Variants in C2orf66 observed in about 807,000 individuals in gnomAD.
The protein encoded by C2orf66 is uncharacterized protein C2orf66.
Under a neutral mutation model 7.0 loss-of-function variants are expected in C2orf66, and 6 were observed. The ratio of observed to expected loss-of-function variants is 0.86; its 90% confidence interval spans 0.47 to 1.69. C2orf66 has a LOEUF of 1.69. C2orf66 is among the 40% of genes most tolerant of loss of function. The probability of loss-of-function intolerance (pLI) is 0.01; values close to 1 mark genes in which losing one functional copy is unlikely to be tolerated. For missense variants in C2orf66, 107 were observed against 112.0 expected, an observed-to-expected ratio of 0.96 and a Z score of 0.20; for synonymous variants, 38 against 43.8, an observed-to-expected ratio of 0.87 and a Z score of 0.52.
upstream of C2orf66, among the ~76,000 whole-genome samples, chr2:196,813,487 C>T (rs1223305427): frequency 6.6e-6 from 1 of 152,070 alleles, no homozygotes; most frequent in Non-Finnish European, 1.5e-5. Flanking sequence ...AGAAGAAAAC[C>T]TAGGCAATAC....
the C2orf66 span, among the ~76,000 whole-genome samples, chr2:196,827,366 T>C: frequency 6.6e-6 from 1 of 151,902 alleles, no homozygotes; most frequent in South Asian, 2.1e-4. Flanking sequence ...AAAATGCAAC[T>C]ATATGACAAA....
chr2:196,817,885 ATG>A, the C2orf66 span, among the ~76,000 whole-genome samples: 1 of 152,140 alleles, frequency 6.6e-6, no homozygotes, highest in Non-Finnish European at 1.5e-5. Flanking sequence ...GTCAGACCTT[ATG>A]GTTGTCTTCC....
chr2:196,809,125 A>T, intron 1 of C2orf66, 89 bp downstream of exon 1: 2 of 1,353,392 alleles, frequency 1.5e-6, no homozygotes, highest in Non-Finnish European at 2.0e-6. Flanking sequence ...CCCCCTTTCC[A>T]CTACGTTCTG....
At chr2:196,819,485 T>G in the C2orf66 span, among the ~76,000 whole-genome samples, 3 of 152,234 alleles carry the variant, frequency 2.0e-5, no homozygotes, top group Non-Finnish European at 4.4e-5. Flanking sequence ...CACCCTGATC[T>G]TAGATTTCCA....
At chr2:196,821,933 T>A in the C2orf66 span, among the ~76,000 whole-genome samples, 1 of 118,572 alleles carries the variant, frequency 8.4e-6, no homozygotes, top group Admixed American at 8.7e-5. Context: ...GTGAGCTTTT[T>A]TTTTTTTTTT....
the C2orf66 span, among the ~76,000 whole-genome samples, chr2:196,824,319 A>G: frequency 6.6e-6 from 1 of 151,988 alleles, no homozygotes; most frequent in Non-Finnish European, 1.5e-5. Context: ...TGTGTCTGGC[A>G]CAGATTTTGT....
At chr2:196,812,451 T>C (rs762030297), upstream of C2orf66, among the ~76,000 whole-genome samples, 1 of 152,124 alleles carries the variant, frequency 6.6e-6, no homozygotes, top group Non-Finnish European at 1.5e-5. Flanking sequence ...TAAGAGCTAT[T>C]TATCACAAAC....
chr2:196,832,058 A>T, the C2orf66 span: 1 of 152,166 alleles, frequency 6.6e-6, no homozygotes, highest in Non-Finnish European at 1.5e-5. Flanking sequence ...AAGTTAGCAT[A>T]AGAAATGTGA....
chr2:196,828,800 A>G, the C2orf66 span, among the ~76,000 whole-genome samples: 1 of 152,306 alleles, frequency 6.6e-6, no homozygotes, highest in East Asian at 1.9e-4. Flanking sequence ...CCAGAGTTCA[A>G]GAGTCCCCGG....
the C2orf66 span, among the ~76,000 whole-genome samples, chr2:196,817,531 G>A: frequency 6.6e-6 from 1 of 152,194 alleles, no homozygotes; most frequent in Non-Finnish European, 1.5e-5. Context: ...CACCGCACCT[G>A]GCCGCACGTA....
the C2orf66 span, among the ~76,000 whole-genome samples, chr2:196,817,830 T>A: frequency 6.6e-6 from 1 of 152,206 alleles, no homozygotes; most frequent in Non-Finnish European, 1.5e-5. Context: ...TTATAGGCTC[T>A]CTGCAAGAAG....
At chr2:196,821,739 C>T in the C2orf66 span, among the ~76,000 whole-genome samples, 5 of 151,764 alleles carry the variant, frequency 3.3e-5, no homozygotes, top group Admixed American at 1.3e-4. Context: ...GAAAGAAATA[C>T]CATTCTTAAA....
upstream of C2orf66, among the ~76,000 whole-genome samples, chr2:196,813,455 G>C (rs187369454): frequency 1.3e-5 from 2 of 152,266 alleles, no homozygotes; most frequent in African/African-American, 4.8e-5. Context: ...TTAAACGTAA[G>C]ACCTAAAACT....
chr2:196,828,798 CAA>C, the C2orf66 span, among the ~76,000 whole-genome samples: 1 of 152,160 alleles, frequency 6.6e-6, no homozygotes, highest in Non-Finnish European at 1.5e-5. Flanking sequence ...CACCAGAGTT[CAA>C]GAGTCCCCGG....
At chr2:196,826,177 C>T in the C2orf66 span, among the ~76,000 whole-genome samples, 1 of 152,162 alleles carries the variant, frequency 6.6e-6, no homozygotes, top group African/African-American at 2.4e-5. Context: ...CTGGTAATGT[C>T]ACTCCTCCCC....
chr2:196,805,024 T>C lies in C2orf66; in HGVS notation c.*404A>G, dbSNP rs561524368. On this transcript the variant is annotated 3_prime_UTR_variant, in exon 3 of 3. Coordinates refer to ENST00000342506, the MANE Select transcript of C2orf66 (RefSeq NM_213608.3). ...CTATCACATATAATGAATTTTACTA[T>C]ACTAAAAGTGAGCATGTCCCTTTAA... The C allele has an allele frequency of 1.3e-5, 2 of 152,282 alleles. No individual in the cohort carries two copies. The highest frequency in any genetic ancestry group is 3.9e-4 in the East Asian group (2 of 5,188). The allele number at this position is 152,282 out of a possible 1,614,324, so 9.4% of individuals were successfully genotyped here. A position where few individuals can be genotyped will look rare whatever the true frequency, so the allele number is the denominator to read the frequency against.
chr2:196,831,189 T>C, the C2orf66 span, among the ~76,000 whole-genome samples: 1 of 152,190 alleles, frequency 6.6e-6, no homozygotes, highest in Non-Finnish European at 1.5e-5. Context: ...CTCTTCCCTT[T>C]GTCCCCTAGG....
At chr2:196,828,224 TCTCTCTCACA>T in the C2orf66 span, among the ~76,000 whole-genome samples, 1 of 135,454 alleles carries the variant, frequency 7.4e-6, no homozygotes. Flanking sequence ...TCTCTCTCTC[TCTCTCTCACA>T]CACACACACA....
the C2orf66 span, among the ~76,000 whole-genome samples, chr2:196,822,317 G>A: frequency 4.6e-5 from 7 of 152,254 alleles, no homozygotes; most frequent in East Asian, 1.4e-3. Flanking sequence ...CATGCTGAGA[G>A]CACTGTAGGT....
Sources: allele counts gnomAD v4.1 joint callset (sites outside exome capture counted in the v4.1 genomes callset), GRCh38; gene constraint gnomAD v4.1.1; transcripts MANE v1.5; gene names NCBI Gene and HGNC (gene_info 2026-07-23, HGNC 2026-07-21).